CERT1: variants seen among roughly 807,000 people sequenced by gnomAD.
The protein encoded by CERT1 is ceramide transfer protein.
In CERT1, 31 loss-of-function variants were observed where a neutral mutation model predicts 87.9. The observed-to-expected ratio is 0.35, with a 90% confidence interval of 0.27 to 0.48. CERT1 has a LOEUF of 0.48. Ranked by LOEUF, CERT1 falls within the 20% of genes least tolerant of loss-of-function variation. The pLI is 0.99. For synonymous variants in CERT1, 289 were observed against 250.9 expected, an observed-to-expected ratio of 1.15 and a Z score of -1.44; for missense variants, 487 against 758.0, an observed-to-expected ratio of 0.64 and a Z score of 4.20.
Position 75,483,110 on chromosome 5 carries a change from C to T in CERT1, c.231+22872G>A, listed in dbSNP as rs540377412. Among the ~76,000 whole-genome samples, 6 of 152,198 alleles carry T rather than the reference C, an allele frequency of 3.9e-5. No individual in the cohort carries two copies. In the South Asian group the frequency reaches 1.0e-3, roughly 26 times the overall value. ...CTTTAAGATACGGTATTCAAAATAG[C>T]TATTTTGAGTTAGCTCAATGAAGCT... On this transcript the variant is annotated intron_variant, in intron 2 of 16. Coordinates refer to ENST00000643780, the MANE Select transcript of CERT1 (RefSeq NM_001379029.1).
chr5:75,376,045 G>A (rs1439200012), downstream of CERT1: 1 of 152,172 alleles, frequency 6.6e-6, no homozygotes, highest in East Asian at 1.9e-4. Context: ...CCCCAGAGAT[G>A]AATTTTTTCA....
intron 3 of CERT1, among the ~76,000 whole-genome samples, chr5:75,447,854 T>C (rs751187323): frequency 6.6e-6 from 1 of 152,080 alleles, no homozygotes. Context: ...TAGCTCACTG[T>C]AGCCTCAAAC....
intron 5 of CERT1, among the ~76,000 whole-genome samples, chr5:75,423,991 A>T (rs1197346091): frequency 6.6e-6 from 1 of 152,182 alleles, no homozygotes; most frequent in Non-Finnish European, 1.5e-5. Flanking sequence ...CAAGCCACCT[A>T]GTTATATTGG....
intron 3 of CERT1, among the ~76,000 whole-genome samples, chr5:75,444,753 G>A (rs1764469512): frequency 6.6e-6 from 1 of 151,918 alleles, no homozygotes; most frequent in Admixed American, 6.6e-5. Context: ...CACCATGTTG[G>A]CCAGGGTGGT....
intron 17 of CERT1, chr5:75,372,733 T>A (rs981346441): frequency 5.9e-5 from 9 of 152,214 alleles, no homozygotes; most frequent in African/African-American, 2.2e-4. Context: ...ATCAGACTAA[T>A]CCCATCATTA....
intron 2 of CERT1, among the ~76,000 whole-genome samples, chr5:75,488,484 A>T: frequency 6.6e-6 from 1 of 152,158 alleles, no homozygotes; most frequent in East Asian, 1.9e-4. Flanking sequence ...AAAAACTAAT[A>T]AATTATTTGC....
At chr5:75,417,305 G>C (rs1763172054) in intron 6 of CERT1, among the ~76,000 whole-genome samples, 1 of 152,006 alleles carries the variant, frequency 6.6e-6, no homozygotes, top group Non-Finnish European at 1.5e-5. Flanking sequence ...AATGGTAGGA[G>C]GAGCAATACT....
chr5:75,471,686 G>A (rs1238695314), intron 2 of CERT1, among the ~76,000 whole-genome samples: 3 of 148,498 alleles, frequency 2.0e-5, no homozygotes, highest in African/African-American at 7.7e-5. Flanking sequence ...AACCTGGGAG[G>A]CAGAGGTTGC....
chr5:75,418,831 G>C (rs1355972064), intron 6 of CERT1, among the ~76,000 whole-genome samples: 1 of 152,166 alleles, frequency 6.6e-6, no homozygotes, highest in Non-Finnish European at 1.5e-5. Context: ...ATGGGGGAGA[G>C]AGGAATGACA....
chr5:75,472,583 C>A (rs1765764444), intron 2 of CERT1, among the ~76,000 whole-genome samples: 1 of 151,952 alleles, frequency 6.6e-6, no homozygotes, highest in African/African-American at 2.4e-5. Context: ...AAGAAAATAA[C>A]CCAATTAAAA....
At chr5:75,417,196 T>C (rs1763168022) in intron 6 of CERT1, among the ~76,000 whole-genome samples, 163 bp from the exon 7 acceptor site, 1 of 152,210 alleles carries the variant, frequency 6.6e-6, no homozygotes, top group African/African-American at 2.4e-5. Flanking sequence ...CCAAGCTCTA[T>C]AAGCAAAGAA....
intron 5 of CERT1, among the ~76,000 whole-genome samples, chr5:75,421,777 T>C (rs1763387172): frequency 6.6e-6 from 1 of 152,194 alleles, no homozygotes; most frequent in Non-Finnish European, 1.5e-5. Context: ...TTCCCTACTT[T>C]TTTGCATCAT....
intron 2 of CERT1, among the ~76,000 whole-genome samples, chr5:75,504,619 A>G (rs1580868264): frequency 6.6e-6 from 1 of 152,354 alleles, no homozygotes; most frequent in South Asian, 2.1e-4. Context: ...AATAAATTCT[A>G]TCACAAAATG....
intron 14 of CERT1, 56 bp downstream of exon 14, chr5:75,384,586 A>G: frequency 1.6e-6 from 2 of 1,216,190 alleles, no homozygotes; most frequent in Non-Finnish European, 2.4e-6. Flanking sequence ...GAGAATCTAT[A>G]TGTCTGAGTT....
intron 2 of CERT1, among the ~76,000 whole-genome samples, chr5:75,502,096 C>T (rs1432094644): frequency 6.6e-6 from 1 of 151,054 alleles, no homozygotes; most frequent in African/African-American, 2.4e-5. Flanking sequence ...GGTTAATTAC[C>T]ATATGAAGAG....
intron 17 of CERT1, chr5:75,372,735 C>T (rs1761128134): frequency 1.3e-5 from 2 of 152,110 alleles, no homozygotes; most frequent in South Asian, 4.1e-4. Flanking sequence ...CAGACTAATC[C>T]CATCATTAAA....
Position 75,370,740 on chromosome 5 carries a change from T to C in CERT1, c.*10-2082A>G, listed in dbSNP as rs561565390. On this transcript the variant is annotated intron_variant, in intron 17 of 17. Transcript: ENST00000261415. ...GCCCAGGTGGGTGGATCATCTGAGG[T>C]CAGGAGTTTGAGACCAACCTGGCCA... 3 of 152,108 alleles carry C rather than the reference T, an allele frequency of 2.0e-5. No individual in the cohort carries two copies. The East Asian group carries it at 5.8e-4, about 29-fold the overall frequency. 9.4% of individuals were successfully genotyped at this position (152,108 alleles called of 1,614,324 possible).
chr5:75,369,194 G>C (rs570651651), intron 17 of CERT1: 3 of 152,348 alleles, frequency 2.0e-5, no homozygotes, highest in East Asian at 3.9e-4. Context: ...GGGATTACAG[G>C]TGTGAGCCGC....
Position 75,459,124 on chromosome 5 carries a change from G to A in CERT1, c.289C>T (p.Leu97Phe). Residue 97 changes from leucine to phenylalanine, a missense_variant, in exon 3 of 17, where the codon CTT (leucine) becomes TTT (phenylalanine). Leu to Phe is a conservative substitution (Grantham distance 22). Around this residue, in one of 8 missense-constraint regions of CERT1, gnomAD observed 173 missense variants for 302.2 expected, o/e 0.57. Coordinates refer to ENST00000643780, the MANE Select transcript of CERT1 (RefSeq NM_001379029.1). ...DISVNDSVWY[L>F]RAQDPDHRQQ... ...CTATGATCTGGATCCTGAGCACGAAGATACCAAACACTATCATTTACACTA... is the reference window on the plus strand; with the variant it reads ...CTATGATCTGGATCCTGAGCACGAAAATACCAAACACTATCATTTACACTA... 1 of 1,613,220 alleles carries A rather than the reference G, an allele frequency of 6.2e-7. No homozygotes were observed. Among genetic ancestry groups the A allele is most frequent in the Non-Finnish European group, 8.5e-7 (1 of 1,179,286 alleles).
Sources: allele counts gnomAD v4.1 joint callset (sites outside exome capture counted in the v4.1 genomes callset), GRCh38; gene constraint gnomAD v4.1.1; regional missense constraint gnomAD v4.1.1; transcripts MANE v1.5; gene names NCBI Gene and HGNC (gene_info 2026-07-23, HGNC 2026-07-21).